Variants in WDFY4 observed in about 807,000 individuals in gnomAD.
The protein encoded by WDFY4 is WDFY family member 4.
WDFY4 carries 169 observed loss-of-function variants against 351.9 expected under a neutral mutation model. The observed-to-expected ratio is 0.48, with a 90% confidence interval of 0.42 to 0.55. WDFY4 has a LOEUF of 0.55. WDFY4 is among the 20% of genes least tolerant of loss of function. The pLI, the probability that WDFY4 is intolerant of heterozygous loss-of-function variation, is 0.00. For missense variants in WDFY4, 3,803 were observed against 3,935.6 expected, an observed-to-expected ratio of 0.97 and a Z score of 0.90; for synonymous variants, 1,622 against 1,574.6, an observed-to-expected ratio of 1.03 and a Z score of -0.71.
At position 48,732,664 on chromosome 10, in the gene WDFY4, T is replaced by C. The variant is rs572657265; in HGVS notation, c.1582+1102T>C. Among the ~76,000 whole-genome samples the C allele has an allele frequency of 2.0e-4, 31 of 152,304 alleles. 1 individual carries two copies. The highest frequency in any genetic ancestry group is 1.2e-3 in the Admixed American group (19 of 15,308). ...TGTCTTCCTCGGTAAAACAGGGTAA[T>C]GATGTTGACATCATTGGAATGTTGT... On this transcript the variant is annotated intron_variant, in intron 9 of 61. Transcript: ENST00000325239.
At chr10:48,827,384 T>A (rs1247404954) in intron 36 of WDFY4, among the ~76,000 whole-genome samples, 2 of 151,620 alleles carry the variant, frequency 1.3e-5, no homozygotes, top group Non-Finnish European at 2.9e-5. Flanking sequence ...AAATGCTAGT[T>A]AAAAAGCTAT....
chr10:48,962,545 G>A (rs1180719793), intron 53 of WDFY4, among the ~76,000 whole-genome samples: 1 of 152,202 alleles, frequency 6.6e-6, no homozygotes, highest in Admixed American at 6.5e-5. Context: ...GCTCATGTGT[G>A]ACACCTGATG....
intron 57 of WDFY4, among the ~76,000 whole-genome samples, chr10:48,970,567 C>T (rs956833487): frequency 1.1e-4 from 17 of 152,206 alleles, no homozygotes; most frequent in African/African-American, 4.1e-4. Flanking sequence ...CACACCTTAG[C>T]GAGAGATGCC....
In WDFY4 at chr10:48,778,795, G is replaced by A. The variant is rs1347861186; in HGVS notation, c.3360G>A (p.Leu1120=). 9.7e-6 allele frequency: 15 copies of A among 1,551,322 alleles called. No individual in the cohort carries two copies. Among genetic ancestry groups the A allele is most frequent in the Non-Finnish European group, 1.2e-5 (14 of 1,147,042 alleles). The change falls in exon 18 of 62, where the codon TTG becomes TTA. Residue 1120 remains leucine, a synonymous_variant. Transcript: ENST00000325239. ...SVSLCPDDLS[L]VVSTEEKEFQ... ...GCCTCTGCCCAGACGACCTCTCCTT[G>A]GTTGTTTCTACAGAAGAGAAGGAGT...
At chr10:48,766,728 T>G (rs912921083) in intron 13 of WDFY4, among the ~76,000 whole-genome samples, 2 of 152,274 alleles carry the variant, frequency 1.3e-5, no homozygotes, top group Non-Finnish European at 2.9e-5. Flanking sequence ...AGCCCTGGCC[T>G]AATTATCAGC....
At chr10:48,902,318 C>T (rs189651110) in intron 47 of WDFY4, among the ~76,000 whole-genome samples, 39 of 152,334 alleles carry the variant, frequency 2.6e-4, no homozygotes, top group Admixed American at 1.2e-3. Context: ...GGGCGTCTCT[C>T]CCAGTGAATG....
rs114977211 is a variant in WDFY4 at position 48,690,638 on chromosome 10, C to A, written c.-18+5637C>A. Reference sequence around the variant, plus strand: ...TCCTCTCTGCAGCTGGTTGTCCCTACGTCTGCAGCTCTCAGCAGAGAGGAG... The same window carrying A: ...TCCTCTCTGCAGCTGGTTGTCCCTAAGTCTGCAGCTCTCAGCAGAGAGGAG... On this transcript the variant is annotated intron_variant, in intron 1 of 61. Transcript: ENST00000325239. Among the ~76,000 whole-genome samples the A allele has an allele frequency of 9.3e-3, 1,420 of 152,168 alleles. 25 individuals are homozygous for A. Among genetic ancestry groups the A allele is most frequent in the African/African-American group, 0.032 (1,348 of 41,498 alleles).
At chr10:48,967,315 G>A (rs1009651559) in intron 55 of WDFY4, 5 of 152,270 alleles carry the variant, frequency 3.3e-5, no homozygotes, top group Non-Finnish European at 5.9e-5. Flanking sequence ...TTAGATAAAT[G>A]AGCCTGCAGA....
chr10:48,908,232 A>G (rs1230088096), intron 47 of WDFY4, among the ~76,000 whole-genome samples: 1 of 152,162 alleles, frequency 6.6e-6, no homozygotes, highest in African/African-American at 2.4e-5. Flanking sequence ...TTGCTTCCAC[A>G]ACCTTTATGC....
intron 36 of WDFY4, among the ~76,000 whole-genome samples, chr10:48,827,208 A>G (rs573405447): frequency 6.6e-6 from 1 of 152,106 alleles, no homozygotes; most frequent in Non-Finnish European, 1.5e-5. Context: ...AGATGTACAC[A>G]TTGATTTTGT....
Position 48,820,438 on chromosome 10 carries a change from G to A in WDFY4, c.5709+1G>A, listed in dbSNP as rs549700749. 4.5e-5 allele frequency: 70 copies of A among 1,550,792 alleles called. No individual in the cohort carries two copies. The highest frequency in any genetic ancestry group is 5.8e-5 in the Non-Finnish European group (67 of 1,146,482). ...GCTGCCCCTGGAGGTGCTCCTGGAG[G>A]TGGGTTGGAAAAGGTGACATTGGGC... On this transcript the variant is annotated splice_donor_variant, in intron 33 of 61. Transcript: ENST00000325239. LOFTEE classifies it high-confidence loss of function.
chr10:48,905,503 T>C lies in WDFY4; in HGVS notation c.7586+3640T>C, dbSNP rs77868233. On this transcript the variant is annotated intron_variant, in intron 47 of 61. Coordinates refer to ENST00000325239, the MANE Select transcript of WDFY4 (RefSeq NM_001394531.1). ...ATTTTATTTCCAATGTGATTATTTT[T>C]GCCATCATGGCTACCTGATCCCACT... 1.3e-3 allele frequency among the ~76,000 whole-genome samples: 192 copies of C among 152,334 alleles called. 3 individuals are homozygous for C. In the East Asian group the frequency reaches 0.036, roughly 28 times the overall value.
intron 60 of WDFY4, among the ~76,000 whole-genome samples, chr10:48,979,511 T>C (rs1842716558): frequency 6.6e-6 from 1 of 152,114 alleles, no homozygotes; most frequent in South Asian, 2.1e-4. Flanking sequence ...CTACGGTTGA[T>C]GAATGGATGT....
chr10:48,877,894 A>C (rs1286417212), intron 43 of WDFY4: 1 of 152,372 alleles, frequency 6.6e-6, no homozygotes, highest in Non-Finnish European at 1.5e-5. Flanking sequence ...CCCCAAGTCT[A>C]AGAATGCAAT....
At chr10:48,869,560 C>A (rs1211890359) in intron 40 of WDFY4, among the ~76,000 whole-genome samples, 1 of 150,430 alleles carries the variant, frequency 6.6e-6, no homozygotes, top group Non-Finnish European at 1.5e-5. Flanking sequence ...TTTTTTTGAT[C>A]CAGAAGTTCT....
Position 48,776,906 on chromosome 10 carries a change from C to T in WDFY4, c.3020C>T (p.Ser1007Phe). The T allele has an allele frequency of 6.4e-7, 1 of 1,552,186 alleles. No individual in the cohort carries two copies. The highest frequency in any genetic ancestry group is 8.7e-7 in the Non-Finnish European group (1 of 1,147,080). The change falls in exon 16 of 62, where the codon TCC becomes TTC. Residue 1007 changes from serine (S) to phenylalanine (F), a missense_variant. Ser to Phe is a radical substitution (Grantham distance 155). Around this residue, in one of 3 missense-constraint regions of WDFY4, gnomAD observed 3,054 missense variants for 3,148.6 expected, o/e 0.97. Transcript: ENST00000325239. ...GCGCTGAGCCTCATCTCCATGACCT[C>T]CCCACGCAACCTGCAGCCTCAGAGG... The part of the protein sequence containing the change: ...QTALSLISMT[S>F]PRNLQPQRAA...
At chr10:48,700,819 C>T (rs190359640) in intron 1 of WDFY4, among the ~76,000 whole-genome samples, 57 of 152,314 alleles carry the variant, frequency 3.7e-4, no homozygotes, top group African/African-American at 1.3e-3. Context: ...ATGATTTTAT[C>T]GTGGTCATTA....
At chr10:48,887,391 T>C (rs1271047323) in intron 43 of WDFY4, among the ~76,000 whole-genome samples, 2 of 152,056 alleles carry the variant, frequency 1.3e-5, no homozygotes, top group Non-Finnish European at 2.9e-5. Flanking sequence ...CTGGTGGGAG[T>C]GTAAATTAGT....
intron 43 of WDFY4, among the ~76,000 whole-genome samples, chr10:48,879,303 G>A (rs911938507): frequency 6.6e-6 from 1 of 152,208 alleles, no homozygotes; most frequent in African/African-American, 2.4e-5. Context: ...CTGGTGTCTA[G>A]TGGGCAGAGG....
Sources: gnomAD v4.1 joint callset for allele counts (sites outside exome capture counted in the v4.1 genomes callset) on GRCh38, gnomAD v4.1.1 for gene constraint, gnomAD v4.1.1 regional missense constraint, MANE v1.5 for transcripts, NCBI Gene and HGNC (gene_info 2026-07-23, HGNC 2026-07-21) for gene names.